Variants in ZFP14 observed in about 807,000 individuals in gnomAD.
ZFP14 encodes the protein ZFP14 zinc finger protein, also known as zinc finger protein 14 homolog.
ZFP14 carries 22 observed loss-of-function variants against 54.5 expected under a neutral mutation model. The observed-to-expected ratio is 0.40, with a 90% CI of 0.29 to 0.58. The LOEUF (loss-of-function observed/expected upper bound fraction) is 0.58. ZFP14 is among the 20% of genes least tolerant of loss of function. The pLI is 0.39. For missense variants in ZFP14, 470 were observed against 637.8 expected (o/e 0.74, Z 2.83); for synonymous variants, 159 against 204.0 (o/e 0.78, Z 1.88).
chr19:36,373,908 T>G (rs2031917751), intron 1 of ZFP14, among the ~76,000 whole-genome samples: 1 of 44,006 alleles, frequency 2.3e-5, no homozygotes, highest in Non-Finnish European at 4.1e-5. Context: ...TAAGACCCCA[T>G]CTCAAAAAAA....
At chr19:36,365,747 C>G (rs1307894955) in intron 2 of ZFP14, among the ~76,000 whole-genome samples, 1 of 151,806 alleles carries the variant, frequency 6.6e-6, no homozygotes, top group East Asian at 1.9e-4. Context: ...TCACTTGAGC[C>G]CAGGAGTTTG....
At chr19:36,362,902 C>A in intron 2 of ZFP14, 1 of 238,932 alleles carries the variant, frequency 4.2e-6, no homozygotes, top group Non-Finnish European at 8.7e-6. Flanking sequence ...CTTTTATAAC[C>A]AATTCTTTAG....
chr19:36,378,639 G>T (rs780261858), intron 1 of ZFP14: 9 of 152,258 alleles, frequency 5.9e-5, no homozygotes, highest in African/African-American at 1.2e-4. Flanking sequence ...CCTTCCTAAA[G>T]AACAGCAGGA....
intron 1 of ZFP14, among the ~76,000 whole-genome samples, chr19:36,374,021 T>C (rs575212385): frequency 7.9e-5 from 12 of 151,976 alleles, no homozygotes; most frequent in African/African-American, 2.7e-4. Context: ...CTTTTTACAA[T>C]GACTGCATTG....
chr19:36,335,294 T>G lies in ZFP14; in HGVS notation c.*4930A>C, dbSNP rs2031171796. On this transcript the variant is annotated 3_prime_UTR_variant, in exon 5 of 5. Coordinates refer to ENST00000270001, the MANE Select transcript of ZFP14 (RefSeq NM_020917.3). ...TTCTGGAGAATGTTGAATTTAGGGGTCAAACACAGGCTTTCTGGAGGTATT... is the reference window on the plus strand; with the variant it reads ...TTCTGGAGAATGTTGAATTTAGGGGGCAAACACAGGCTTTCTGGAGGTATT... 6.6e-6 allele frequency: 1 copy of G among 152,098 alleles called. No homozygotes were observed. The allele number at this position is 152,098 out of a possible 1,614,324, so 9.4% of individuals were successfully genotyped here. A position where few individuals can be genotyped will look rare whatever the true frequency, so the allele number is the denominator to read the frequency against.
chr19:36,346,169 C>T (rs2031409321), intron 4 of ZFP14, among the ~76,000 whole-genome samples: 2 of 151,998 alleles, frequency 1.3e-5, no homozygotes, highest in South Asian at 4.2e-4. Context: ...CTTATAGTCC[C>T]AGCTACTCGA....
chr19:36,360,952 T>C (rs1424711246), intron 3 of ZFP14, among the ~76,000 whole-genome samples: 1 of 152,208 alleles, frequency 6.6e-6, no homozygotes, highest in African/African-American at 2.4e-5. Flanking sequence ...TAATAATATC[T>C]TCTCATAGCG....
At chr19:36,361,524 G>A (rs1340730311) in intron 3 of ZFP14, among the ~76,000 whole-genome samples, 1 of 151,506 alleles carries the variant, frequency 6.6e-6, no homozygotes, top group Non-Finnish European at 1.5e-5. Flanking sequence ...ACAGGCATGA[G>A]CCACCATGCC....
intron 1 of ZFP14, chr19:36,378,232 T>C (rs1337945382): frequency 6.6e-6 from 1 of 152,242 alleles, no homozygotes; most frequent in East Asian, 1.9e-4. Flanking sequence ...ATTAATGAGA[T>C]ATTGAATGCA....
At chr19:36,366,862 G>C (rs2031802489) in intron 2 of ZFP14, among the ~76,000 whole-genome samples, 1 of 152,052 alleles carries the variant, frequency 6.6e-6, no homozygotes, top group South Asian at 2.1e-4. Context: ...TTTTAAAAAT[G>C]TCATATTGTG....
chr19:36,371,286 A>G (rs1436731629), intron 1 of ZFP14, among the ~76,000 whole-genome samples: 1 of 152,032 alleles, frequency 6.6e-6, no homozygotes, highest in East Asian at 1.9e-4. Flanking sequence ...GAATTCAAAT[A>G]ACTGTTTTAA....
chr19:36,340,881 C>T lies in ZFP14; in HGVS notation c.945G>A (p.Lys315=). Residue 315 remains lysine, a synonymous_variant, in exon 5 of 5, where the codon AAG becomes AAA. Coordinates refer to ENST00000270001, the MANE Select transcript of ZFP14 (RefSeq NM_020917.3). The surrounding 1 kb of genome is among the most constrained non-coding windows in gnomAD (Gnocchi z 5.4). ...CACATACGAAGGCTTTCCCACATTC[C>T]TTACATTCATAGAGCTTTTCAGCAG... ...LHTAEKLYEC[K]ECGKAFVCGP... is the part of the protein sequence containing the mutation. The T allele has an allele frequency of 6.2e-7, 1 of 1,613,982 alleles. No individual in the cohort carries two copies. Among genetic ancestry groups the T allele is most frequent in the Non-Finnish European group, 8.5e-7 (1 of 1,180,008 alleles).
At chr19:36,350,407 C>T (rs2031504993) in intron 4 of ZFP14, among the ~76,000 whole-genome samples, 1 of 140,376 alleles carries the variant, frequency 7.1e-6, no homozygotes, top group South Asian at 2.3e-4. Flanking sequence ...TCAAGACCAT[C>T]CTGGGCAACA....
rs2031497797 is a variant in ZFP14 at position 36,349,987 on chromosome 19, C to T, written c.236-8397G>A. 2.1e-5 allele frequency among the ~76,000 whole-genome samples: 3 copies of T among 140,080 alleles called. 1 individual carries two copies. Among genetic ancestry groups the T allele is most frequent in the Admixed American group, 1.5e-4 (2 of 13,396 alleles). The allele number at this position is 140,080 out of a possible 152,430, so 91.9% of individuals were successfully genotyped here. A position where few individuals can be genotyped will look rare whatever the true frequency, so the allele number is the denominator to read the frequency against. On this transcript the variant is annotated intron_variant, in intron 4 of 4. Coordinates refer to ENST00000270001, the MANE Select transcript of ZFP14 (RefSeq NM_020917.3). ...CCAGCATGGCCAGCATGGTGAAACC[C>T]TGTCTCTACTAAAAATACACACACA...
At chr19:36,355,765 T>G (rs2031602989) in intron 4 of ZFP14, among the ~76,000 whole-genome samples, 1 of 142,294 alleles carries the variant, frequency 7.0e-6, no homozygotes, top group Non-Finnish European at 1.6e-5. Context: ...AGAAGGCAGC[T>G]GCCTGCAAGC....
chr19:36,347,860 A>G (rs1172021825), intron 4 of ZFP14, among the ~76,000 whole-genome samples: 2 of 152,116 alleles, frequency 1.3e-5, no homozygotes, highest in African/African-American at 4.8e-5. Context: ...CGGGAGTTTG[A>G]GACCAGCCTG....
intron 3 of ZFP14, among the ~76,000 whole-genome samples, chr19:36,360,960 G>C: frequency 6.6e-6 from 1 of 152,086 alleles, no homozygotes; most frequent in South Asian, 2.1e-4. Flanking sequence ...TCTTCTCATA[G>C]CGTTGTTGTG....
At chr19:36,378,958 C>T (rs892271879) in intron 1 of ZFP14, 1 of 152,304 alleles carries the variant, frequency 6.6e-6, no homozygotes, top group Non-Finnish European at 1.5e-5. Context: ...TCATTCACTC[C>T]GGGGTTCCTG....
At chr19:36,366,282 G>A (rs1432559902) in intron 2 of ZFP14, among the ~76,000 whole-genome samples, 1 of 151,762 alleles carries the variant, frequency 6.6e-6, no homozygotes, top group Non-Finnish European at 1.5e-5. Context: ...AAAAAAAATT[G>A]TATTGAACTA....
Sources: allele counts gnomAD v4.1 joint callset (sites outside exome capture counted in the v4.1 genomes callset), GRCh38; gene constraint gnomAD v4.1.1; non-coding constraint Gnocchi (gnomAD v3.1); transcripts MANE v1.5; gene names NCBI Gene and HGNC (gene_info 2026-07-23, HGNC 2026-07-21).